Variants in AGO2 observed in about 807,000 individuals in gnomAD.
AGO2 encodes protein argonaute-2.
In AGO2, 5 loss-of-function variants were observed where a neutral mutation model predicts 102.3. The observed-to-expected ratio is 0.05, with a 90% CI of 0.03 to 0.10. The LOEUF (loss-of-function observed/expected upper bound fraction) is 0.10, where lower values mean the gene tolerates loss of function less well. AGO2 is among the 10% of genes least tolerant of loss of function. AGO2 has a pLI of 1.00. For missense variants in AGO2, 541 were observed against 1,183.7 expected (o/e 0.46, Z 7.97); for synonymous variants, 449 against 473.1 (o/e 0.95, Z 0.66).
At chr8:140,537,656 T>C (rs1298059273) in intron 16 of AGO2, among the ~76,000 whole-genome samples, 2 of 152,196 alleles carry the variant, frequency 1.3e-5, no homozygotes, top group African/African-American at 4.8e-5. Context: ...TAATAAGAGC[T>C]GTGTAAAAAT....
rs990349012 is a variant in AGO2 at position 140,567,543 on chromosome 8, C to T, written c.337-4909G>A. ...ACACAAGGGGACAAGCAGGTGGCCC[C>T]GCCCACCTCACAGGGCACTGGTGCC... On this transcript the variant is annotated intron_variant, in intron 3 of 18. Coordinates refer to ENST00000220592, the MANE Select transcript of AGO2 (RefSeq NM_012154.5). The surrounding 1 kb of genome is among the most constrained non-coding windows in gnomAD (Gnocchi z 5.0). Among the ~76,000 whole-genome samples the T allele has an allele frequency of 5.3e-5, 8 of 152,226 alleles. No homozygotes were observed. Among genetic ancestry groups the T allele is most frequent in the African/African-American group, 1.4e-4 (6 of 41,470 alleles).
chr8:140,621,675 C>A (rs888858256), intron 1 of AGO2, among the ~76,000 whole-genome samples: 8 of 152,210 alleles, frequency 5.3e-5, no homozygotes, highest in African/African-American at 1.7e-4. Context: ...CATCTAATAT[C>A]TATTAGGTGA....
intron 1 of AGO2, among the ~76,000 whole-genome samples, chr8:140,622,378 G>C (rs200477233): frequency 0.015 from 51 of 3,508 alleles, 1 homozygote; most frequent in Admixed American, 0.024. Flanking sequence ...GGGGAATAAT[G>C]CACATGGGGT....
rs956480217 is a variant in AGO2 at position 140,525,959 on chromosome 8, T to C, written c.*6085A>G. Reference sequence around the variant, plus strand: ...CTGCGCCACTAGTGGGAACTTCTACTTCAAAACACCAGCTGTGGGCCCTGT... The same window carrying C: ...CTGCGCCACTAGTGGGAACTTCTACCTCAAAACACCAGCTGTGGGCCCTGT... On this transcript the variant is annotated 3_prime_UTR_variant, in exon 19 of 19. Coordinates refer to ENST00000220592, the MANE Select transcript of AGO2 (RefSeq NM_012154.5). 2 of 152,186 alleles carry C rather than the reference T, an allele frequency of 1.3e-5. No homozygotes were observed. Among genetic ancestry groups the C allele is most frequent in the African/African-American group, 2.4e-5 (1 of 41,428 alleles). The allele number at this position is 152,186 out of a possible 1,614,324, so 9.4% of individuals were successfully genotyped here.
intron 13 of AGO2, 89 bp downstream of exon 13, chr8:140,547,379 C>G: frequency 6.6e-7 from 1 of 1,503,952 alleles, no homozygotes; most frequent in African/African-American, 1.4e-5. Context: ...GGGACCCTGC[C>G]CCCCTGCCCC....
At chr8:140,608,529 G>A (rs979201469) in intron 1 of AGO2, among the ~76,000 whole-genome samples, 1 of 152,266 alleles carries the variant, frequency 6.6e-6, no homozygotes, top group African/African-American at 2.4e-5. Context: ...CGGCAGGCAG[G>A]CGTCAAGCAA....
chr8:140,569,987 C>T (rs1240109922), intron 3 of AGO2, among the ~76,000 whole-genome samples: 1 of 152,218 alleles, frequency 6.6e-6, no homozygotes. Flanking sequence ...CGAAAAAGTA[C>T]TTCACAGAAA....
At chr8:140,560,047 A>G (rs1350473259) in intron 5 of AGO2, among the ~76,000 whole-genome samples, 5 of 152,196 alleles carry the variant, frequency 3.3e-5, no homozygotes, top group Non-Finnish European at 7.3e-5. Flanking sequence ...AAGCCTCCCA[A>G]GAGAGGGACA....
chr8:140,635,515 C>G lies in AGO2; in HGVS notation c.-9G>C, dbSNP rs908807843. The stretch of plus-strand genomic sequence containing the variant: ...CCGGCTCCCGAGTACATGGTGGCGC[C>G]GCCGAGGGGCTCCGGGGCCGAGGGG... On this transcript the variant is annotated 5_prime_UTR_variant, in exon 1 of 19. Coordinates refer to ENST00000220592, the MANE Select transcript of AGO2 (RefSeq NM_012154.5). 6 of 980,180 alleles carry G rather than the reference C, an allele frequency of 6.1e-6. No individual in the cohort carries two copies. The South Asian group carries it at 2.3e-4, about 37-fold the overall frequency. The allele number at this position is 980,180 out of a possible 1,614,324, so 60.7% of individuals were successfully genotyped here. A position where few individuals can be genotyped will look rare whatever the true frequency, so the allele number is the denominator to read the frequency against.
chr8:140,603,153 C>A (rs192956811), intron 1 of AGO2, among the ~76,000 whole-genome samples: 1 of 152,200 alleles, frequency 6.6e-6, no homozygotes, highest in Admixed American at 6.5e-5. Context: ...CTCAGGCCCC[C>A]ACGGCGGCGT....
chr8:140,560,294 G>A lies in AGO2; in HGVS notation c.655+80C>T, dbSNP rs1402777465. ...AGGCCATGCGTGGAGCTGGCCACATGCCACCCCCCGACCGGGGTCCTGACC... is the reference window on the plus strand; with the variant it reads ...AGGCCATGCGTGGAGCTGGCCACATACCACCCCCCGACCGGGGTCCTGACC... On this transcript the variant is annotated intron_variant, in intron 5 of 18. Transcript: ENST00000220592. The A allele has an allele frequency of 7.1e-6, 11 of 1,553,550 alleles. No individual in the cohort carries two copies. In the East Asian group the frequency reaches 2.3e-4, roughly 32 times the overall value.
intron 1 of AGO2, among the ~76,000 whole-genome samples, chr8:140,598,770 G>C (rs780738031): frequency 1.3e-5 from 2 of 152,200 alleles, no homozygotes; most frequent in African/African-American, 4.8e-5. Context: ...CAACAGGGCA[G>C]AATTACCTTA....
chr8:140,625,808 G>A (rs961338521), intron 1 of AGO2, among the ~76,000 whole-genome samples: 2 of 152,164 alleles, frequency 1.3e-5, no homozygotes, highest in Non-Finnish European at 2.9e-5. Flanking sequence ...CTCCTCAGGG[G>A]AGCTGCACAG....
Position 140,543,740 on chromosome 8 carries a change from C to T in AGO2, c.1839+473G>A, listed in dbSNP as rs74484600. 3.7e-4 allele frequency among the ~76,000 whole-genome samples: 56 copies of T among 152,368 alleles called. 2 individuals carry two copies. In the East Asian group the frequency reaches 0.01, roughly 28 times the overall value. ...TAACGACATCATTTCCTAATTCTCC[C>T]ATGAGGTCAACATTTGTTTCCTCAT... On this transcript the variant is annotated intron_variant, in intron 14 of 18. Transcript: ENST00000220592.
At chr8:140,596,010 C>T (rs1438864383) in intron 1 of AGO2, among the ~76,000 whole-genome samples, 5 of 131,552 alleles carry the variant, frequency 3.8e-5, no homozygotes, top group African/African-American at 8.8e-5. Flanking sequence ...TATATACACA[C>T]ACACACATAC....
At chr8:140,555,067 A>C (rs2073072539) in intron 10 of AGO2, among the ~76,000 whole-genome samples, 1 of 152,246 alleles carries the variant, frequency 6.6e-6, no homozygotes, top group Non-Finnish European at 1.5e-5. Context: ...TGAGGATGAG[A>C]ATAAAATTCC....
chr8:140,623,820 C>T (rs566974369), intron 1 of AGO2, among the ~76,000 whole-genome samples: 2 of 152,212 alleles, frequency 1.3e-5, no homozygotes, highest in East Asian at 1.9e-4. Context: ...GGCCCCAGGG[C>T]GGGATGGCTG....
intron 1 of AGO2, chr8:140,626,433 G>T (rs2074278302): frequency 6.6e-6 from 1 of 152,208 alleles, no homozygotes; most frequent in Non-Finnish European, 1.5e-5. Context: ...GCAGAGTAAC[G>T]CCCCCATCAC....
rs892628920 is a variant in AGO2, at chr8:140,532,213, G to A, written c.2472-61C>T. ...CAGCCTTAATGCACGATGAGGCAGT[G>A]CGTCGATCACTAAGTCGGGATGGCA... On this transcript the variant is annotated intron_variant, in intron 18 of 18. Coordinates refer to ENST00000220592, the MANE Select transcript of AGO2 (RefSeq NM_012154.5). The A allele has an allele frequency of 2.6e-6, 4 of 1,512,862 alleles. No homozygotes were observed. The African/African-American group carries it at 5.5e-5, about 21-fold the overall frequency. The allele number at this position is 1,512,862 out of a possible 1,614,324, so 93.7% of individuals were successfully genotyped here.
Sources: allele counts gnomAD v4.1 joint callset (sites outside exome capture counted in the v4.1 genomes callset), GRCh38; gene constraint gnomAD v4.1.1; non-coding constraint Gnocchi (gnomAD v3.1); transcripts MANE v1.5; gene names NCBI Gene and HGNC (gene_info 2026-07-23, HGNC 2026-07-21).